Variants in GRIA3 observed in about 807,000 individuals in gnomAD.
The protein encoded by GRIA3 is glutamate receptor 3.
GRIA3 carries 3 observed loss-of-function variants against 63.0 expected under a neutral mutation model. The observed-to-expected ratio is 0.05, with a 90% CI of 0.02 to 0.12. The LOEUF is 0.12. GRIA3 is among the 10% of genes least tolerant of loss of function. GRIA3 has a pLI of 1.00. For synonymous variants in GRIA3, 274 were observed against 257.9 expected (o/e 1.06, Z -0.60); for missense variants, 347 against 700.9 (o/e 0.50, Z 5.70).
At chrX:123,478,878 C>A (rs1458399151) in intron 13 of GRIA3, among the ~76,000 whole-genome samples, 1 of 112,604 alleles carries the variant, frequency 8.9e-6, no homozygotes, top group Non-Finnish European at 1.9e-5. Context: ...ATTATGCCAC[C>A]CTCTCTACAT....
chrX:123,382,251 A>C (rs757152367), intron 5 of GRIA3, among the ~76,000 whole-genome samples: 1 of 110,964 alleles, frequency 9.0e-6, no homozygotes, highest in African/African-American at 3.3e-5. Context: ...CTTTCTGTCC[A>C]TATGGCCTGG....
chrX:123,449,099 A>G (rs1279352800), intron 12 of GRIA3, among the ~76,000 whole-genome samples: 1 of 111,918 alleles, frequency 8.9e-6, no homozygotes, highest in Non-Finnish European at 1.9e-5. Flanking sequence ...TGCTGTGTAC[A>G]CCAAAAGAAA....
At chrX:123,221,025 T>A (rs1168799734) in intron 2 of GRIA3, among the ~76,000 whole-genome samples, 2 of 112,308 alleles carry the variant, frequency 1.8e-5, no homozygotes, top group Non-Finnish European at 3.8e-5. Context: ...GGGATAAAAA[T>A]GACAATAAAA....
At chrX:123,424,193 G>A (rs777818414) in intron 11 of GRIA3, among the ~76,000 whole-genome samples, 4 of 111,863 alleles carry the variant, frequency 3.6e-5, no homozygotes, top group Admixed American at 9.5e-5. Flanking sequence ...GAAAATGACA[G>A]GTCTTTTTAA....
intron 3 of GRIA3, among the ~76,000 whole-genome samples, chrX:123,288,431 T>G: frequency 8.9e-6 from 1 of 112,069 alleles, no homozygotes; most frequent in Non-Finnish European, 1.9e-5. Context: ...CTAATTAAAC[T>G]AAAGAGCTTC....
In GRIA3 at chrX:123,326,166, T is replaced by C. The variant is rs758762112; in HGVS notation, c.649T>C (p.Tyr217His). Residue 217 changes from tyrosine (Y) to histidine (H), a missense_variant, in exon 4 of 16, where the codon TAC becomes CAC. By Grantham distance (83) the Tyr-to-His change is moderately conservative. Around this residue, in one of 8 missense-constraint regions of GRIA3, gnomAD observed 113 missense variants for 130.6 expected, o/e 0.87. Transcript: ENST00000620443. ...AATGGACAGGAGGCAGGAAAAGCGA[T>C]ACTTGATTGACTGCGAAGTCGAAAG... is the stretch of plus-strand genomic sequence containing the variant. ...EEMDRRQEKR[Y>H]LIDCEVERIN... is the part of the protein sequence containing the mutation. 1 of 1,210,584 alleles carries C rather than the reference T, an allele frequency of 8.3e-7. No individual in the cohort carries two copies. Among genetic ancestry groups the C allele is most frequent in the Non-Finnish European group, 1.1e-6 (1 of 894,539 alleles).
At chrX:123,242,737 C>T (rs2044336800) in intron 2 of GRIA3, among the ~76,000 whole-genome samples, 1 of 112,314 alleles carries the variant, frequency 8.9e-6, no homozygotes, top group Non-Finnish European at 1.9e-5. Flanking sequence ...TCTGCACGAA[C>T]CTGTGAGGTG....
At position 123,189,621 on chromosome X, in the gene GRIA3, T is replaced by C. The variant is rs754524012; in HGVS notation, c.268+3631T>C. ...TGTACACCTTTACAGCCAACAAATG[T>C]GCTTGTGGATTACGCACTGTTTGCA... is the stretch of plus-strand genomic sequence containing the variant. On this transcript the variant is annotated intron_variant, in intron 2 of 15. Coordinates refer to ENST00000620443, the MANE Select transcript of GRIA3 (RefSeq NM_007325.5). Among the ~76,000 whole-genome samples the C allele has an allele frequency of 1.2e-4, 13 of 112,759 alleles. No individual in the cohort carries two copies. The South Asian group carries it at 4.4e-3, about 38-fold the overall frequency.
chrX:123,251,587 C>T (rs913181178), intron 2 of GRIA3, among the ~76,000 whole-genome samples: 3 of 110,659 alleles, frequency 2.7e-5, no homozygotes, highest in Non-Finnish European at 5.7e-5. Flanking sequence ...AGGTGCCCGC[C>T]ACCATGCCCA....
intron 5 of GRIA3, among the ~76,000 whole-genome samples, chrX:123,357,729 G>A (rs2045142588): frequency 9.0e-6 from 1 of 111,071 alleles, no homozygotes; most frequent in Non-Finnish European, 1.9e-5. Context: ...TCAGAATTAT[G>A]AGACTTTGGG....
Position 123,453,106 on chromosome X carries a change from A to G in GRIA3, c.2077-11759A>G, listed in dbSNP as rs892357439. On this transcript the variant is annotated intron_variant, in intron 12 of 15. Transcript: ENST00000620443. ...CACATGCACATGTATGTTTATTGCG[A>G]CACTATTCACAATAGCAAAGACTTG... Among the ~76,000 whole-genome samples, 4 of 111,870 alleles carry G rather than the reference A, an allele frequency of 3.6e-5. No individual in the cohort carries two copies. In the South Asian group the frequency reaches 1.1e-3, roughly 31 times the overall value.
intron 3 of GRIA3, among the ~76,000 whole-genome samples, chrX:123,311,832 T>C (rs1268465506): frequency 1.8e-5 from 2 of 112,048 alleles, no homozygotes; most frequent in Non-Finnish European, 3.8e-5. Context: ...TGCCATGGAG[T>C]AACACATAGA....
At chrX:123,358,736 G>A (rs776665314) in intron 5 of GRIA3, 4 of 112,086 alleles carry the variant, frequency 3.6e-5, no homozygotes, top group East Asian at 5.6e-4. Context: ...GTTTGTCAAC[G>A]TTAGTCCCAG....
At chrX:123,366,283 G>A (rs772437515) in intron 5 of GRIA3, among the ~76,000 whole-genome samples, 3 of 111,435 alleles carry the variant, frequency 2.7e-5, no homozygotes, top group Non-Finnish European at 5.7e-5. Context: ...TGATGGAGTT[G>A]CTCTTGTTCA....
intron 5 of GRIA3, 84 bp from the exon 6 acceptor site, chrX:123,394,884 C>T (rs1271872907): frequency 1.4e-6 from 1 of 694,985 alleles, no homozygotes; most frequent in African/African-American, 2.1e-5. Context: ...AAGGAGCTTT[C>T]ACATTATCCT....
intron 5 of GRIA3, among the ~76,000 whole-genome samples, chrX:123,381,786 A>G (rs1385147467): frequency 3.6e-5 from 4 of 112,382 alleles, no homozygotes; most frequent in Non-Finnish European, 7.5e-5. Context: ...AAAAGTCTTT[A>G]TAATAAAAAA....
chrX:123,353,056 A>AT (rs2045108237), intron 4 of GRIA3, among the ~76,000 whole-genome samples: 1 of 47,742 alleles, frequency 2.1e-5, no homozygotes, highest in Non-Finnish European at 4.8e-5. Context: ...CACACACACA[A>AT]ACACACACAC....
rs191018313 is a variant in GRIA3 at position 123,345,272 on chromosome X, C to T, written c.697-9638C>T. Among the ~76,000 whole-genome samples, 14 of 110,979 alleles carry T rather than the reference C, an allele frequency of 1.3e-4. No homozygotes were observed. The East Asian group carries it at 2.0e-3, about 16-fold the overall frequency. On this transcript the variant is annotated intron_variant, in intron 4 of 15. Coordinates refer to ENST00000620443, the MANE Select transcript of GRIA3 (RefSeq NM_007325.5). The stretch of plus-strand genomic sequence containing the variant: ...GACGCCTAGGCAATGTTCTACAATG[C>T]GGAGGAGATATGCATCTTACTGACT...
intron 12 of GRIA3, among the ~76,000 whole-genome samples, chrX:123,434,239 T>A (rs1191920487): frequency 8.9e-6 from 1 of 111,958 alleles, no homozygotes. Flanking sequence ...CCTTAATCCA[T>A]CCCCTTGCCT....
Sources: gnomAD v4.1 joint callset for allele counts (sites outside exome capture counted in the v4.1 genomes callset) on GRCh38, gnomAD v4.1.1 for gene constraint, gnomAD v4.1.1 regional missense constraint, MANE v1.5 for transcripts, NCBI Gene and HGNC (gene_info 2026-07-23, HGNC 2026-07-21) for gene names.